Variants in SCFD1 observed in about 807,000 individuals in gnomAD.
The protein encoded by SCFD1 is sec1 family domain-containing protein 1.
A neutral mutation model predicts 103.2 loss-of-function variants in SCFD1; 37 were observed. The observed-to-expected ratio is 0.36, with a 90% CI of 0.28 to 0.47. SCFD1 has a LOEUF of 0.47. Among genes scored for constraint, SCFD1 ranks in the 20% least tolerant of loss-of-function variants. The probability of loss-of-function intolerance (pLI) is 1.00; values close to 1 mark genes in which losing one functional copy is unlikely to be tolerated. For missense variants in SCFD1, 639 were observed against 761.2 expected (o/e 0.84, Z 1.89); for synonymous variants, 264 against 245.0 (o/e 1.08, Z -0.73).
At chr14:30,667,194 A>C (rs1388150787) in intron 10 of SCFD1, among the ~76,000 whole-genome samples, 2 of 152,164 alleles carry the variant, frequency 1.3e-5, no homozygotes, top group Non-Finnish European at 2.9e-5. Flanking sequence ...GTACATCAAA[A>C]AGCTTATCCA....
intron 1 of SCFD1, among the ~76,000 whole-genome samples, chr14:30,627,794 A>C: frequency 7.0e-6 from 1 of 142,152 alleles, no homozygotes. Context: ...TCACTAGGCC[A>C]CTCACACTTA....
At chr14:30,644,093 T>C (rs1885565658) in intron 7 of SCFD1, 1 of 413,702 alleles carries the variant, frequency 2.4e-6, no homozygotes, top group African/African-American at 2.1e-5. Context: ...AGTGAGAACA[T>C]AGGGTGTTTT....
chr14:30,629,727 G>A (rs1327544778), intron 2 of SCFD1, among the ~76,000 whole-genome samples: 2 of 151,992 alleles, frequency 1.3e-5, no homozygotes, highest in African/African-American at 2.4e-5. Flanking sequence ...ACAGGCACGT[G>A]CCACCACACC....
chr14:30,709,873 T>C (rs1393923794), intron 19 of SCFD1, among the ~76,000 whole-genome samples: 1 of 152,234 alleles, frequency 6.6e-6, no homozygotes, highest in African/African-American at 2.4e-5. Context: ...CCATATGTAG[T>C]TTATTTTTAA....
chr14:30,724,576 T>C (rs1211033097), intron 23 of SCFD1, among the ~76,000 whole-genome samples: 3 of 152,126 alleles, frequency 2.0e-5, no homozygotes, highest in Non-Finnish European at 4.4e-5. Flanking sequence ...TCTTGTAAAG[T>C]TCCTTATAGA....
intron 14 of SCFD1, among the ~76,000 whole-genome samples, chr14:30,694,292 T>G (rs1267671174): frequency 6.6e-6 from 1 of 152,206 alleles, no homozygotes; most frequent in Non-Finnish European, 1.5e-5. Flanking sequence ...ACTGCTGAAT[T>G]TATCCATCAA....
chr14:30,719,558 GT>G (rs1305932887), intron 21 of SCFD1, among the ~76,000 whole-genome samples, 181 bp downstream of exon 21: 1 of 152,146 alleles, frequency 6.6e-6, no homozygotes, highest in Non-Finnish European at 1.5e-5. Flanking sequence ...GCATTCAGAT[GT>G]TTTTCCTTCC....
intron 7 of SCFD1, chr14:30,644,079 TA>T (rs1885563884): frequency 2.3e-6 from 1 of 440,704 alleles, no homozygotes; most frequent in Admixed American, 2.5e-5. Flanking sequence ...AGCTCCCACT[TA>T]CAAGTGAGAA....
At chr14:30,700,840 T>G (rs1891033280) in intron 16 of SCFD1, among the ~76,000 whole-genome samples, 1 of 152,244 alleles carries the variant, frequency 6.6e-6, no homozygotes, top group South Asian at 2.1e-4. Context: ...AACATTCTTA[T>G]TTTTGGAAAA....
intron 10 of SCFD1, among the ~76,000 whole-genome samples, chr14:30,658,967 T>C (rs12888568): frequency 0.19 from 29,121 of 152,162 alleles, 3,214 homozygotes; most frequent in East Asian, 0.46. Flanking sequence ...TATATTTTAC[T>C]GTACTTGATA....
Position 30,710,332 on chromosome 14 carries a change from TAAAAAAAAAA to T in SCFD1, c.1629+2281_1629+2290del, listed in dbSNP as rs397853428. The stretch of plus-strand genomic sequence containing the variant: ...ACCACTACCAGAAGAGCCATGTCAT[TAAAAAAAAAA>T]AAAAAAAAAAAAAGTTCAGAATTAG... On this transcript the variant is annotated intron_variant, in intron 19 of 24. Coordinates refer to ENST00000458591, the MANE Select transcript of SCFD1 (RefSeq NM_016106.4). Among the ~76,000 whole-genome samples, 52 of 82,030 alleles carry T rather than the reference TAAAAAAAAAA, an allele frequency of 6.3e-4. 1 individual carries two copies. Among genetic ancestry groups the T allele is most frequent in the African/African-American group, 2.6e-3 (48 of 18,466 alleles). 53.8% of individuals were successfully genotyped at this position (82,030 alleles called of 152,430 possible). A position where few individuals can be genotyped will look rare whatever the true frequency, so the allele number is the denominator to read the frequency against.
intron 17 of SCFD1, among the ~76,000 whole-genome samples, chr14:30,703,292 G>C (rs1193715159): frequency 1.3e-5 from 2 of 148,472 alleles, no homozygotes; most frequent in African/African-American, 5.0e-5. Flanking sequence ...ATTTGCTTAG[G>C]AGATCAGGGA....
chr14:30,671,621 G>A lies in SCFD1; in HGVS notation c.995+1226G>A, dbSNP rs527245780. On this transcript the variant is annotated intron_variant, in intron 11 of 24. Transcript: ENST00000458591. Reference sequence around the variant, plus strand: ...ACCTCCTATTCATTAAGTAGGAATAGCTCTTTTGCTCTGCATCTTACATAC... The same window carrying A: ...ACCTCCTATTCATTAAGTAGGAATAACTCTTTTGCTCTGCATCTTACATAC... Among the ~76,000 whole-genome samples, 185 of 152,200 alleles carry A rather than the reference G, an allele frequency of 1.2e-3. 1 individual carries two copies. Among genetic ancestry groups the A allele is most frequent in the Non-Finnish European group, 2.3e-3 (157 of 67,992 alleles).
intron 11 of SCFD1, 94 bp downstream of exon 11, chr14:30,670,489 G>A (rs1050311167): frequency 9.2e-6 from 8 of 866,746 alleles, no homozygotes; most frequent in Admixed American, 3.2e-5. Context: ...AAAGGGTCAT[G>A]TAGGTTCGTT....
chr14:30,681,022 C>A (rs971746822), intron 14 of SCFD1, among the ~76,000 whole-genome samples: 14 of 152,088 alleles, frequency 9.2e-5, no homozygotes, highest in Non-Finnish European at 1.9e-4. Context: ...CACTTCAGGC[C>A]AGGAGACCGG....
At chr14:30,657,231 C>CT (rs1259257215) in intron 10 of SCFD1, among the ~76,000 whole-genome samples, 1 of 151,860 alleles carries the variant, frequency 6.6e-6, no homozygotes, top group Non-Finnish European at 1.5e-5. Context: ...GTACAGGGTG[C>CT]TTTGAGTACA....
intron 23 of SCFD1, among the ~76,000 whole-genome samples, chr14:30,730,134 T>G (rs1202191476): frequency 1.3e-5 from 2 of 152,234 alleles, no homozygotes; most frequent in Non-Finnish European, 2.9e-5. Context: ...TTGCTATAGT[T>G]TGCTGGGAAT....
intron 23 of SCFD1, among the ~76,000 whole-genome samples, chr14:30,729,912 G>C (rs544788664): frequency 6.6e-6 from 1 of 152,138 alleles, no homozygotes; most frequent in South Asian, 2.1e-4. Flanking sequence ...ACAACGTGCA[G>C]GTTTGTTACA....
chr14:30,622,602 T>C, intron 1 of SCFD1: 1 of 878,062 alleles, frequency 1.1e-6, no homozygotes, highest in Non-Finnish European at 1.6e-6. Context: ...GAGAAGGAGC[T>C]TCAGCGGTGG....
Sources: allele counts gnomAD v4.1 joint callset (sites outside exome capture counted in the v4.1 genomes callset), GRCh38; gene constraint gnomAD v4.1.1; transcripts MANE v1.5; gene names NCBI Gene and HGNC (gene_info 2026-07-23, HGNC 2026-07-21).